EGFR: variants seen among roughly 807,000 people sequenced by gnomAD.
EGFR encodes the protein avian erythroblastic leukemia viral (v-erb-b) oncogene homolog.
In EGFR, 58 loss-of-function variants were observed where a neutral mutation model predicts 143.0. The ratio of observed to expected loss-of-function variants is 0.41; its 90% CI spans 0.33 to 0.50. The LOEUF (loss-of-function observed/expected upper bound fraction) is 0.50, where lower values mean the gene tolerates loss of function less well. Ranked by LOEUF, EGFR falls within the 20% of genes least tolerant of loss-of-function variation. EGFR has a pLI of 0.39. For synonymous variants in EGFR, 613 were observed against 594.4 expected (o/e 1.03, Z -0.45); for missense variants, 1,307 against 1,579.0 (o/e 0.83, Z 2.92).
intron 1 of EGFR, among the ~76,000 whole-genome samples, chr7:55,054,513 C>T (rs981666608): frequency 1.3e-5 from 2 of 152,358 alleles, no homozygotes; most frequent in African/African-American, 2.4e-5. Flanking sequence ...CTGGCGCGCC[C>T]GCGGGGCCTG....
At chr7:55,140,025 G>T (rs1484429562) in intron 1 of EGFR, among the ~76,000 whole-genome samples, 2 of 151,702 alleles carry the variant, frequency 1.3e-5, no homozygotes, top group Admixed American at 6.6e-5. Flanking sequence ...TTCAAAAAGT[G>T]CTAAATAAGC....
intron 1 of EGFR, among the ~76,000 whole-genome samples, chr7:55,090,747 A>G (rs1170823216): frequency 6.6e-6 from 1 of 152,200 alleles, no homozygotes; most frequent in Non-Finnish European, 1.5e-5. Flanking sequence ...AATTCAAAAT[A>G]TATCTTATCA....
intron 1 of EGFR, among the ~76,000 whole-genome samples, chr7:55,084,388 C>A (rs1410091993): frequency 2.6e-5 from 4 of 152,204 alleles, no homozygotes; most frequent in African/African-American, 9.6e-5. Flanking sequence ...CATGTGCCTC[C>A]AGGAGGGCTC....
chr7:55,139,121 C>A (rs765491201), intron 1 of EGFR, among the ~76,000 whole-genome samples: 2 of 152,140 alleles, frequency 1.3e-5, no homozygotes, highest in South Asian at 4.2e-4. Flanking sequence ...TTCCAATAAA[C>A]GCACTTTGGA....
At chr7:55,109,811 C>A in intron 1 of EGFR, 1 of 985,390 alleles carries the variant, frequency 1.0e-6, no homozygotes, top group Non-Finnish European at 1.2e-6. Flanking sequence ...AATATAAAGC[C>A]CATCTCCTTT....
chr7:55,156,990 C>T lies in EGFR; in HGVS notation c.1207+158C>T. The T allele has an allele frequency of 2.7e-6, 4 of 1,492,946 alleles. No individual in the cohort carries two copies. In the Admixed American group the frequency reaches 6.3e-5, roughly 23 times the overall value. 92.5% of individuals were successfully genotyped at this position (1,492,946 alleles called of 1,614,324 possible). A position where few individuals can be genotyped will look rare whatever the true frequency, so the allele number is the denominator to read the frequency against. On this transcript the variant is annotated intron_variant, in intron 10 of 27. Transcript: ENST00000275493. ...GATATTTTTCAAAAGTGCAGTTTCT[C>T]CTGCAGGCAAAAGGGGACACGTTAA...
chr7:55,193,011 G>T (rs1787468973), intron 22 of EGFR, among the ~76,000 whole-genome samples, 170 bp downstream of exon 22: 1 of 150,738 alleles, frequency 6.6e-6, no homozygotes, highest in Non-Finnish European at 1.5e-5. Context: ...CACGGCAGAG[G>T]AAATCGAGTC....
At chr7:55,030,713 G>A (rs995623798) in intron 1 of EGFR, among the ~76,000 whole-genome samples, 3 of 152,230 alleles carry the variant, frequency 2.0e-5, no homozygotes, top group African/African-American at 7.2e-5. Context: ...TCTTTAGGGT[G>A]TGAAACAGCT....
intron 1 of EGFR, among the ~76,000 whole-genome samples, chr7:55,044,593 A>T (rs1198258340): frequency 6.6e-6 from 1 of 152,170 alleles, no homozygotes; most frequent in Non-Finnish European, 1.5e-5. Context: ...AGAGCAGCAC[A>T]CCTGCGGGGT....
chr7:55,135,894 A>G (rs1195307898), intron 1 of EGFR, among the ~76,000 whole-genome samples: 2 of 152,058 alleles, frequency 1.3e-5, no homozygotes, highest in Non-Finnish European at 1.5e-5. Flanking sequence ...ATTTTTGTAA[A>G]TTTTTTACAG....
chr7:55,040,800 A>G (rs1787854370), intron 1 of EGFR, among the ~76,000 whole-genome samples: 1 of 152,220 alleles, frequency 6.6e-6, no homozygotes, highest in Non-Finnish European at 1.5e-5. Flanking sequence ...TACTTTACTC[A>G]ATTAACTAGG....
At chr7:55,074,912 T>C (rs1790048912) in intron 1 of EGFR, among the ~76,000 whole-genome samples, 1 of 152,256 alleles carries the variant, frequency 6.6e-6, no homozygotes, top group Admixed American at 6.5e-5. Context: ...CATGGTATTT[T>C]AGAAATCTAT....
In EGFR at chr7:55,151,358, G is replaced by A. The variant is rs753129657; in HGVS notation, c.624G>A (p.Gln208=). 62 of 1,614,080 alleles carry A rather than the reference G, an allele frequency of 3.8e-5. No homozygotes were observed. The highest frequency in any genetic ancestry group is 5.1e-5 in the Non-Finnish European group (60 of 1,180,032). ...SCWGAGEENC[Q]KLTKIICAQQ... ...GGGGTGCAGGAGAGGAGAACTGCCA[G>A]AAACGTAAGTCAGTGAACAGCCTCA... is the stretch of plus-strand genomic sequence containing the variant. Residue 208 remains glutamine, a synonymous_variant, in exon 5 of 28, where the codon CAG becomes CAA. Coordinates refer to ENST00000275493, the MANE Select transcript of EGFR (RefSeq NM_005228.5).
chr7:55,167,679 G>A (rs1786132236), intron 15 of EGFR, among the ~76,000 whole-genome samples: 3 of 151,992 alleles, frequency 2.0e-5, no homozygotes, highest in African/African-American at 4.8e-5. Flanking sequence ...GTGAGGAGGT[G>A]GAAGTCACGG....
intron 20 of EGFR, chr7:55,182,233 C>T (rs1298198461): frequency 1.3e-5 from 2 of 152,930 alleles, no homozygotes; most frequent in Non-Finnish European, 2.9e-5. Flanking sequence ...CATTTCATCC[C>T]ATTGACTTTA....
At chr7:55,175,445 C>T (rs1391024436) in intron 19 of EGFR, among the ~76,000 whole-genome samples, 1 of 152,178 alleles carries the variant, frequency 6.6e-6, no homozygotes, top group Non-Finnish European at 1.5e-5. Flanking sequence ...TTCTTACTAC[C>T]AATTCTATTG....
chr7:55,038,570 G>A (rs562840970), intron 1 of EGFR, among the ~76,000 whole-genome samples: 5 of 152,308 alleles, frequency 3.3e-5, no homozygotes, highest in African/African-American at 1.2e-4. Flanking sequence ...CTGCTCTAAA[G>A]TCATTTTCTC....
rs1166625984 is a variant in EGFR, at chr7:55,166,838, T to TTGGTGGTGG, written c.1880+1409_1880+1410insGTGGTGGTG. Among the ~76,000 whole-genome samples, 2 of 62,948 alleles carry TTGGTGGTGG rather than the reference T, an allele frequency of 3.2e-5. 1 individual carries two copies. The highest frequency in any genetic ancestry group is 6.6e-5 in the Non-Finnish European group (2 of 30,112). The allele number at this position is 62,948 out of a possible 152,430, so 41.3% of individuals were successfully genotyped here. A position where few individuals can be genotyped will look rare whatever the true frequency, so the allele number is the denominator to read the frequency against. On this transcript the variant is annotated intron_variant, in intron 15 of 27. Transcript: ENST00000275493. Reference sequence around the variant, plus strand: ...GGTGGGAGTCACAATGGTGGCAGTGTTGGTGGTGAGGAGGTGGGAGTCACA... The same window carrying TTGGTGGTGG: ...GGTGGGAGTCACAATGGTGGCAGTGTTGGTGGTGGTGGTGGTGAGGAGGTGGGAGTCACA...
intron 5 of EGFR, among the ~76,000 whole-genome samples, 162 bp downstream of exon 5, chr7:55,151,524 G>T (rs191813546): frequency 1.3e-5 from 2 of 152,210 alleles, no homozygotes. Context: ...AAATCTCACC[G>T]CATGCAGTTA....
Sources: allele counts gnomAD v4.1 joint callset (sites outside exome capture counted in the v4.1 genomes callset), GRCh38; gene constraint gnomAD v4.1.1; transcripts MANE v1.5; gene names NCBI Gene and HGNC (gene_info 2026-07-23, HGNC 2026-07-21).